The following HMGCLL1 variants were observed in gnomAD, a reference collection of about 807,000 sequenced individuals.
HMGCLL1 encodes 3-hydroxymethyl-3-methylglutaryl-CoA lyase, cytoplasmic.
In HMGCLL1, 36 loss-of-function variants were observed where a neutral mutation model predicts 39.1. The observed-to-expected ratio is 0.92, with a 90% CI of 0.71 to 1.22. The LOEUF is 1.22. Ranked by LOEUF, HMGCLL1 falls within the 50% of genes most tolerant of loss-of-function variation. The pLI, the probability that HMGCLL1 is intolerant of heterozygous loss-of-function variation, is 0.00. For missense variants in HMGCLL1, 451 were observed against 416.5 expected (o/e 1.08, Z -0.72); for synonymous variants, 149 against 144.0 (o/e 1.03, Z -0.25).
At chr6:55,505,411 CT>C (rs1399704392) in intron 5 of HMGCLL1, among the ~76,000 whole-genome samples, 1 of 151,636 alleles carries the variant, frequency 6.6e-6, no homozygotes, top group African/African-American at 2.4e-5. Flanking sequence ...ATAGGAGCTA[CT>C]TTGCTACATT....
At chr6:55,578,627 A>G (rs1771872236) in intron 1 of HMGCLL1, among the ~76,000 whole-genome samples, 1 of 152,230 alleles carries the variant, frequency 6.6e-6, no homozygotes, top group Admixed American at 6.5e-5. Flanking sequence ...AGGAATACCT[A>G]TGAATACAAA....
At chr6:55,646,745 G>A in the HMGCLL1 span, among the ~76,000 whole-genome samples, 94 of 151,992 alleles carry the variant, frequency 6.2e-4, no homozygotes, top group Middle Eastern at 6.8e-3. Context: ...ATTCCATTCT[G>A]GTTGGAGAAG....
At chr6:55,669,030 A>C in the HMGCLL1 span, among the ~76,000 whole-genome samples, 1 of 151,620 alleles carries the variant, frequency 6.6e-6, no homozygotes, top group Non-Finnish European at 1.5e-5. Context: ...ACAGTAATAG[A>C]AGTGGACAAT....
chr6:55,607,296 TAC>T, the HMGCLL1 span, among the ~76,000 whole-genome samples: 1 of 152,216 alleles, frequency 6.6e-6, no homozygotes, highest in Admixed American at 6.5e-5. Flanking sequence ...AGCTCTCAAC[TAC>T]ATTTACTTAC....
chr6:55,439,278 A>C (rs563882913), intron 8 of HMGCLL1, among the ~76,000 whole-genome samples, 156 bp downstream of exon 8: 1 of 152,264 alleles, frequency 6.6e-6, no homozygotes, highest in Admixed American at 6.6e-5. Context: ...TAAAGACCCC[A>C]AAAGAATTTT....
rs565175901 is a variant in HMGCLL1 at position 55,540,054 on chromosome 6, G to C, written c.297+1675C>G. 5.4e-3 allele frequency among the ~76,000 whole-genome samples: 707 copies of C among 131,954 alleles called. 23 individuals are homozygous for C. The highest frequency in any genetic ancestry group is 0.02 in the African/African-American group (676 of 34,092). The allele number at this position is 131,954 out of a possible 152,430, so 86.6% of individuals were successfully genotyped here. On this transcript the variant is annotated intron_variant, in intron 3 of 8. Transcript: ENST00000274901. ...GGAGGGAGGGAGGGAGGGAGGGAAGGAAGCAAAGGAGGGAAGGGAAGGAAG... is the reference window on the plus strand; with the variant it reads ...GGAGGGAGGGAGGGAGGGAGGGAAGCAAGCAAAGGAGGGAAGGGAAGGAAG...
intron 1 of HMGCLL1, among the ~76,000 whole-genome samples, chr6:55,574,235 T>C (rs989180568): frequency 2.6e-5 from 4 of 151,822 alleles, no homozygotes; most frequent in African/African-American, 9.7e-5. Flanking sequence ...CAAATACTTC[T>C]GGTTGAAGGA....
At chr6:55,548,631 T>A (rs1194535640) in intron 1 of HMGCLL1, among the ~76,000 whole-genome samples, 1 of 151,992 alleles carries the variant, frequency 6.6e-6, no homozygotes, top group African/African-American at 2.4e-5. Context: ...TCCATTTTTT[T>A]AAAAGTAGCT....
At chr6:55,573,330 C>A (rs1771611226) in intron 1 of HMGCLL1, among the ~76,000 whole-genome samples, 1 of 152,122 alleles carries the variant, frequency 6.6e-6, no homozygotes, top group Non-Finnish European at 1.5e-5. Flanking sequence ...AGGTGTCTAA[C>A]ATATTATTTA....
At chr6:55,620,442 T>A in the HMGCLL1 span, among the ~76,000 whole-genome samples, 2 of 152,182 alleles carry the variant, frequency 1.3e-5, no homozygotes, top group Non-Finnish European at 2.9e-5. Flanking sequence ...TCTCTGATAA[T>A]CAATAATGTT....
At chr6:55,439,102 T>C (rs576509706) in intron 8 of HMGCLL1, among the ~76,000 whole-genome samples, 4 of 152,088 alleles carry the variant, frequency 2.6e-5, no homozygotes, top group South Asian at 4.1e-4. Context: ...AAAACAAAAC[T>C]GCAAAACTCA....
At chr6:55,629,272 T>C in the HMGCLL1 span, among the ~76,000 whole-genome samples, 1 of 152,182 alleles carries the variant, frequency 6.6e-6, no homozygotes, top group African/African-American at 2.4e-5. Flanking sequence ...CTTGTTATGT[T>C]CTAGCAAAGA....
chr6:55,573,563 A>T lies in HMGCLL1; in HGVS notation c.108+5385T>A, dbSNP rs575604391. Among the ~76,000 whole-genome samples the T allele has an allele frequency of 2.0e-5, 3 of 152,280 alleles. No individual in the cohort carries two copies. In the South Asian group the frequency reaches 6.2e-4, roughly 32 times the overall value. Reference sequence around the variant, plus strand: ...TGAAATTAAGAACTCAATAAATTAGATTAACAGCAAATTAAACAAAGCTGA... The same window carrying T: ...TGAAATTAAGAACTCAATAAATTAGTTTAACAGCAAATTAAACAAAGCTGA... On this transcript the variant is annotated intron_variant, in intron 1 of 8. Transcript: ENST00000274901.
chr6:55,627,167 A>G, the HMGCLL1 span, among the ~76,000 whole-genome samples: 2 of 151,978 alleles, frequency 1.3e-5, no homozygotes, highest in Admixed American at 6.6e-5. Context: ...CCACGTGACC[A>G]GCTGTAGAAA....
At chr6:55,625,023 G>C in the HMGCLL1 span, among the ~76,000 whole-genome samples, 1 of 152,124 alleles carries the variant, frequency 6.6e-6, no homozygotes, top group Non-Finnish European at 1.5e-5. Flanking sequence ...AGATCGAATG[G>C]TGCTTGAGGT....
chr6:55,613,729 A>G, the HMGCLL1 span, among the ~76,000 whole-genome samples: 1 of 152,148 alleles, frequency 6.6e-6, no homozygotes, highest in Non-Finnish European at 1.5e-5. Flanking sequence ...CCAAACAATG[A>G]CAACCCATGG....
intron 4 of HMGCLL1, among the ~76,000 whole-genome samples, chr6:55,515,692 G>A (rs1767701271): frequency 1.3e-5 from 2 of 151,854 alleles, no homozygotes; most frequent in Non-Finnish European, 2.9e-5. Context: ...TACTTTGTTA[G>A]GATTACTAGA....
At chr6:55,542,645 G>A (rs942783861) in intron 1 of HMGCLL1, among the ~76,000 whole-genome samples, 2 of 151,428 alleles carry the variant, frequency 1.3e-5, no homozygotes, top group Non-Finnish European at 2.9e-5. Context: ...TGGGCATAGT[G>A]GTGGGTGCCT....
chr6:55,571,216 T>A (rs952203542), intron 1 of HMGCLL1, among the ~76,000 whole-genome samples: 1 of 152,158 alleles, frequency 6.6e-6, no homozygotes, highest in Non-Finnish European at 1.5e-5. Flanking sequence ...AAATTACAAG[T>A]CTTTGGAACT....
Sources: allele counts gnomAD v4.1 joint callset (sites outside exome capture counted in the v4.1 genomes callset), GRCh38; gene constraint gnomAD v4.1.1; transcripts MANE v1.5; gene names NCBI Gene and HGNC (gene_info 2026-07-23, HGNC 2026-07-21).